RASGRF2: variants seen among roughly 807,000 people sequenced by gnomAD.
RASGRF2 encodes the protein Ras protein specific guanine nucleotide releasing factor 2, also known as ras-specific guanine nucleotide-releasing factor 2.
A neutral mutation model predicts 151.0 loss-of-function variants in RASGRF2; 76 were observed. That is an observed-to-expected ratio of 0.50 (90% CI 0.42 to 0.61). The LOEUF is 0.61. RASGRF2 is among the 20% of genes least tolerant of loss of function. The pLI is 0.00. For missense variants in RASGRF2, 1,148 were observed against 1,564.6 expected (o/e 0.73, Z 4.49); for synonymous variants, 504 against 566.5 (o/e 0.89, Z 1.57).
chr5:81,060,613 C>T (rs1330503615), intron 2 of RASGRF2, among the ~76,000 whole-genome samples: 1 of 152,026 alleles, frequency 6.6e-6, no homozygotes, highest in Non-Finnish European at 1.5e-5. Flanking sequence ...CTCCTGTGCC[C>T]AGTATTTTGA....
In RASGRF2 at chr5:81,085,758, C is replaced by T. The variant is rs766697353; in HGVS notation, c.1162-44C>T. 17 of 1,611,282 alleles carry T rather than the reference C, an allele frequency of 1.1e-5. 1 individual carries two copies. Among genetic ancestry groups the T allele is most frequent in the Middle Eastern group, 1.7e-4 (1 of 5,926 alleles). ...GCCCTGCGGAGCATGTGCCCTGTCA[C>T]CCATCCTGATGTCTTGCTCATACTG... On this transcript the variant is annotated intron_variant, in intron 7 of 26. Coordinates refer to ENST00000265080, the MANE Select transcript of RASGRF2 (RefSeq NM_006909.3).
intron 1 of RASGRF2, among the ~76,000 whole-genome samples, chr5:80,969,123 C>CTTTT (rs551407326): frequency 2.1e-5 from 2 of 93,330 alleles, no homozygotes; most frequent in African/African-American, 9.4e-5. Flanking sequence ...GTGCAGGACT[C>CTTTT]TTTTTTTTTT....
intron 17 of RASGRF2, among the ~76,000 whole-genome samples, chr5:81,156,096 TA>T: frequency 6.6e-6 from 1 of 151,498 alleles, no homozygotes; most frequent in East Asian, 1.9e-4. Flanking sequence ...ATGAAATAGA[TA>T]AATTTCTAAT....
intron 16 of RASGRF2, among the ~76,000 whole-genome samples, chr5:81,126,444 T>G (rs528914219): frequency 6.6e-6 from 1 of 152,308 alleles, no homozygotes; most frequent in East Asian, 1.9e-4. Context: ...TTTAATTTAA[T>G]ATATTCACAA....
At chr5:81,032,222 A>G (rs1054940857) in intron 1 of RASGRF2, among the ~76,000 whole-genome samples, 43 of 152,210 alleles carry the variant, frequency 2.8e-4, no homozygotes, top group African/African-American at 1.0e-3. Flanking sequence ...CCAGAGGTAC[A>G]AAGAGGAGAT....
chr5:80,979,319 T>C (rs1224862453), intron 1 of RASGRF2, among the ~76,000 whole-genome samples: 1 of 152,196 alleles, frequency 6.6e-6, no homozygotes, highest in African/African-American at 2.4e-5. Flanking sequence ...AGACCAAATA[T>C]AGTAGTCTAA....
intron 5 of RASGRF2, among the ~76,000 whole-genome samples, chr5:81,073,819 G>A (rs562609354): frequency 5.5e-4 from 84 of 152,074 alleles, no homozygotes; most frequent in Non-Finnish European, 9.4e-4. Flanking sequence ...GGGTTTCACC[G>A]TGTTAGACAG....
intron 26 of RASGRF2, among the ~76,000 whole-genome samples, chr5:81,225,361 AT>A (rs1755949158): frequency 6.6e-6 from 1 of 152,174 alleles, no homozygotes; most frequent in Non-Finnish European, 1.5e-5. Context: ...CATGGTGCCA[AT>A]TTTAGGGGGA....
intron 9 of RASGRF2, among the ~76,000 whole-genome samples, chr5:81,091,284 C>T (rs1752381186): frequency 3.9e-5 from 6 of 152,156 alleles, no homozygotes; most frequent in Admixed American, 3.3e-4. Flanking sequence ...TCCTGCTTTC[C>T]CCTGCCTCCA....
intron 2 of RASGRF2, among the ~76,000 whole-genome samples, chr5:81,056,063 C>G (rs902629518): frequency 8.5e-5 from 13 of 152,180 alleles, no homozygotes; most frequent in African/African-American, 3.1e-4. Context: ...TTTTGTTGAT[C>G]TTTTCAAAAA....
intron 25 of RASGRF2, among the ~76,000 whole-genome samples, chr5:81,218,576 T>C (rs1472466864): frequency 6.6e-6 from 1 of 152,238 alleles, no homozygotes; most frequent in Non-Finnish European, 1.5e-5. Context: ...TTTGTACCAG[T>C]ACCACGCTGT....
intron 1 of RASGRF2, among the ~76,000 whole-genome samples, chr5:81,037,653 T>C (rs914734164): frequency 6.6e-6 from 1 of 152,228 alleles, no homozygotes; most frequent in African/African-American, 2.4e-5. Context: ...AAATTGTTTA[T>C]GTGAAATGAT....
intron 17 of RASGRF2, among the ~76,000 whole-genome samples, chr5:81,162,029 T>TTTTAAAA (rs962108034): frequency 1.3e-5 from 2 of 152,018 alleles, no homozygotes; most frequent in African/African-American, 4.8e-5. Context: ...ACGCGTAGCC[T>TTTTAAAA]AACTGTTTTT....
chr5:81,059,370 C>T (rs181673310), intron 2 of RASGRF2, among the ~76,000 whole-genome samples: 223 of 127,552 alleles, frequency 1.7e-3, no homozygotes, highest in African/African-American at 6.4e-3. Context: ...GGTGACAGAG[C>T]GAGACTCCGC....
Position 80,960,484 on chromosome 5 carries a change from G to A in RASGRF2, c.-255G>A, listed in dbSNP as rs985595223. 1.3e-4 allele frequency among the ~76,000 whole-genome samples: 19 copies of A among 150,812 alleles called. No homozygotes were observed. The highest frequency in any genetic ancestry group is 3.4e-3 in the Middle Eastern group (1 of 292). On this transcript the variant is annotated 5_prime_UTR_variant, in exon 1 of 27. Transcript: ENST00000265080. This position sits in a 1 kb window ranked among gnomAD's most constrained non-coding sequence, Gnocchi z 5.5. Reference sequence around the variant, plus strand: ...CGCTCCACGCGGGCGTTGGGGGCTTGGGGGGCTCCGGGGGCTCGGCCGGGA... The same window carrying A: ...CGCTCCACGCGGGCGTTGGGGGCTTAGGGGGCTCCGGGGGCTCGGCCGGGA...
At chr5:81,190,385 G>A (rs116644324) in intron 18 of RASGRF2, among the ~76,000 whole-genome samples, 57 of 152,212 alleles carry the variant, frequency 3.7e-4, no homozygotes, top group African/African-American at 1.4e-3. Context: ...AGAGGTTCCT[G>A]GGTCAAAAAG....
Position 81,229,286 on chromosome 5 carries a change from AC to A in RASGRF2, c.*3517del, listed in dbSNP as rs1168532693. 6.6e-6 allele frequency: 1 copy of A among 152,232 alleles called. No individual in the cohort carries two copies. The highest frequency in any genetic ancestry group is 1.5e-5 in the Non-Finnish European group (1 of 68,040). The allele number at this position is 152,232 out of a possible 1,614,324, so 9.4% of individuals were successfully genotyped here. ...ATCGAAAAGGCATAAAAGAGAACAT[AC>A]TATTTATGGCTGAAGGGTATAGCCA... is the stretch of plus-strand genomic sequence containing the variant. On this transcript the variant is annotated 3_prime_UTR_variant, in exon 27 of 27. Coordinates refer to ENST00000265080, the MANE Select transcript of RASGRF2 (RefSeq NM_006909.3).
At chr5:81,153,588 G>C (rs1220268548) in intron 17 of RASGRF2, among the ~76,000 whole-genome samples, 3 of 152,198 alleles carry the variant, frequency 2.0e-5, no homozygotes, top group African/African-American at 7.2e-5. Flanking sequence ...CCCTGGAACT[G>C]AAGGATAATA....
At chr5:80,976,150 T>C (rs1445830474) in intron 1 of RASGRF2, among the ~76,000 whole-genome samples, 2 of 152,186 alleles carry the variant, frequency 1.3e-5, no homozygotes, top group African/African-American at 4.8e-5. Context: ...GCTAAAGCAA[T>C]CATCTTTCTG....
Sources: allele counts gnomAD v4.1 joint callset (sites outside exome capture counted in the v4.1 genomes callset), GRCh38; gene constraint gnomAD v4.1.1; non-coding constraint Gnocchi (gnomAD v3.1); transcripts MANE v1.5; gene names NCBI Gene and HGNC (gene_info 2026-07-23, HGNC 2026-07-21).